Variants in MIER1 observed in about 807,000 individuals in gnomAD.
The protein encoded by MIER1 is MIER1 transcriptional regulator.
A neutral mutation model predicts 75.7 loss-of-function variants in MIER1; 40 were observed. That is an observed-to-expected ratio of 0.53 (90% CI 0.41 to 0.69). The LOEUF (loss-of-function observed/expected upper bound fraction) is 0.69. Among genes scored for constraint, MIER1 ranks in the 30% least tolerant of loss-of-function variants. MIER1 has a pLI of 0.00. For missense variants in MIER1, 574 were observed against 680.2 expected, an observed-to-expected ratio of 0.84 and a Z score of 1.74; for synonymous variants, 213 against 223.4, an observed-to-expected ratio of 0.95 and a Z score of 0.42.
intron 2 of MIER1, chr1:66,932,622 A>G (rs1427769729): frequency 2.0e-5 from 3 of 149,534 alleles, no homozygotes; most frequent in Admixed American, 6.7e-5. Context: ...CTCTCAGTAG[A>G]TTCATTCTTT....
intron 8 of MIER1, among the ~76,000 whole-genome samples, chr1:66,963,425 G>GT (rs987160752): frequency 7.9e-5 from 12 of 151,990 alleles, no homozygotes; most frequent in Admixed American, 1.3e-4. Flanking sequence ...TGTCTCAACA[G>GT]TTTTTTTTAC....
intron 7 of MIER1, among the ~76,000 whole-genome samples, chr1:66,960,369 A>T (rs957906442): frequency 3.3e-5 from 5 of 152,218 alleles, no homozygotes; most frequent in Non-Finnish European, 5.9e-5. Flanking sequence ...ACTATATACA[A>T]TTAATTTCTG....
Position 66,981,926 on chromosome 1 carries a change from A to T in MIER1, c.1369+8A>T. The T allele has an allele frequency of 6.2e-7, 1 of 1,612,834 alleles. No homozygotes were observed. Among genetic ancestry groups the T allele is most frequent in the Non-Finnish European group, 8.5e-7 (1 of 1,179,246 alleles). ...GCACTGCTAATCAAAATGGTAAGCA[A>T]CCAGAGAAACATTTCTCTTTCTTCA... On this transcript the variant is annotated splice_region_variant and intron_variant, in intron 13 of 13. Coordinates refer to ENST00000401041, the MANE Select transcript of MIER1 (RefSeq NM_001077700.3).
rs961921320 is a variant in MIER1 at position 66,984,769 on chromosome 1, G to A, written c.1567G>A (p.Glu523Lys). The change falls in exon 14 of 14, where the codon GAA becomes AAA. Residue 523 changes from glutamate to lysine, a missense_variant. Physicochemically the swap from Glu to Lys is moderately conservative, Grantham distance 56. This residue lies in a region of MIER1 where 164 missense variants were observed against 154.3 expected (regional missense o/e 1.06). Transcript: ENST00000401041. Reference sequence around the variant, plus strand: ...TGCAAGAAATGAAAATGATTTTGATGAAAAAAGTGAGAGACCTGCCAAAAG... The same window carrying A: ...TGCAAGAAATGAAAATGATTTTGATAAAAAAAGTGAGAGACCTGCCAAAAG... ...MTARNENDFD[E>K]KSERPAKRRR... The A allele has an allele frequency of 1.9e-6, 3 of 1,613,776 alleles. No individual in the cohort carries two copies. The highest frequency in any genetic ancestry group is 2.5e-6 in the Non-Finnish European group (3 of 1,179,916).
intron 12 of MIER1, among the ~76,000 whole-genome samples, chr1:66,979,240 C>T (rs760833263): frequency 1.6e-4 from 24 of 152,238 alleles, no homozygotes; most frequent in Non-Finnish European, 2.9e-4. Flanking sequence ...TTCTGGTTTG[C>T]TTCCATTACC....
intron 3 of MIER1, among the ~76,000 whole-genome samples, chr1:66,943,544 G>C (rs1453540949): frequency 1.3e-5 from 2 of 150,484 alleles, no homozygotes; most frequent in African/African-American, 4.9e-5. Flanking sequence ...CTTTCCTTTC[G>C]TTTAGTTTTG....
chr1:66,945,737 T>G (rs553817824), intron 3 of MIER1, among the ~76,000 whole-genome samples: 1 of 152,246 alleles, frequency 6.6e-6, no homozygotes, highest in African/African-American at 2.4e-5. Context: ...GTTGTGGTCA[T>G]AGTCCCAGCT....
At chr1:66,939,043 G>A (rs1276695024) in intron 2 of MIER1, among the ~76,000 whole-genome samples, 1 of 152,082 alleles carries the variant, frequency 6.6e-6, no homozygotes, top group East Asian at 1.9e-4. Flanking sequence ...TTACTTAGCA[G>A]AAAGAAAATA....
chr1:66,926,475 G>GA (rs1318496143), intron 2 of MIER1, among the ~76,000 whole-genome samples: 1 of 152,092 alleles, frequency 6.6e-6, no homozygotes, highest in Non-Finnish European at 1.5e-5. Context: ...ATTATGAAAA[G>GA]AAAATCCAAA....
intron 7 of MIER1, among the ~76,000 whole-genome samples, chr1:66,960,367 C>T (rs567752547): frequency 6.6e-6 from 1 of 152,138 alleles, no homozygotes; most frequent in South Asian, 2.1e-4. Flanking sequence ...TAACTATATA[C>T]AATTAATTTC....
intron 2 of MIER1, chr1:66,930,109 C>A: frequency 1.1e-6 from 1 of 881,620 alleles, no homozygotes; most frequent in Non-Finnish European, 1.5e-6. Flanking sequence ...CCCCTCCGCT[C>A]TTCCCGGGGA....
intron 1 of MIER1, 29 bp downstream of exon 1, chr1:66,925,124 C>A: frequency 6.5e-7 from 1 of 1,542,852 alleles, no homozygotes; most frequent in Non-Finnish European, 8.7e-7. Context: ...AGCCATCTCT[C>A]CCCTTCTATT....
rs530333118 is a variant in MIER1 at position 66,975,525 on chromosome 1, C to CA, written c.1102-1060dup. 2.3e-3 allele frequency among the ~76,000 whole-genome samples: 315 copies of CA among 134,900 alleles called. 1 individual carries two copies. The highest frequency in any genetic ancestry group is 0.011 in the Middle Eastern group (3 of 270). 88.5% of individuals were successfully genotyped at this position (134,900 alleles called of 152,430 possible). A position where few individuals can be genotyped will look rare whatever the true frequency, so the allele number is the denominator to read the frequency against. On this transcript the variant is annotated intron_variant, in intron 11 of 13. Coordinates refer to ENST00000401041, the MANE Select transcript of MIER1 (RefSeq NM_001077700.3). ...TGGGCAACAGAGCATGACACTATCTCAAAAAAAAAAGAAAAAGAAAGGAAA... is the reference window on the plus strand; with the variant it reads ...TGGGCAACAGAGCATGACACTATCTCAAAAAAAAAAAGAAAAAGAAAGGAAA...
intron 4 of MIER1, among the ~76,000 whole-genome samples, chr1:66,949,981 A>G (rs1292378676): frequency 7.2e-5 from 11 of 152,252 alleles, no homozygotes. Context: ...ATTTGTATGC[A>G]TGGATTATGA....
Position 66,985,574 on chromosome 1 carries a change from C to T in MIER1, c.*674C>T, listed in dbSNP as rs1666667400. On this transcript the variant is annotated 3_prime_UTR_variant, in exon 14 of 14. Coordinates refer to ENST00000401041, the MANE Select transcript of MIER1 (RefSeq NM_001077700.3). ...TGTATTTTTCCAGATTCTTTGTAGC[C>T]TTTGAAAGATTTTTACAGTACATAT... is the stretch of plus-strand genomic sequence containing the variant. 1 of 985,080 alleles carries T rather than the reference C, an allele frequency of 1.0e-6. No individual in the cohort carries two copies. Among genetic ancestry groups the T allele is most frequent in the African/African-American group, 1.7e-5 (1 of 57,198 alleles). The allele number at this position is 985,080 out of a possible 1,614,324, so 61.0% of individuals were successfully genotyped here.
chr1:66,927,057 C>A (rs1297388354), intron 2 of MIER1, among the ~76,000 whole-genome samples: 2 of 152,104 alleles, frequency 1.3e-5, no homozygotes, highest in South Asian at 2.1e-4. Flanking sequence ...TAAGATTGTG[C>A]TCCTAAATGC....
intron 8 of MIER1, among the ~76,000 whole-genome samples, chr1:66,966,271 T>A (rs184050431): frequency 4.7e-4 from 72 of 152,246 alleles, no homozygotes; most frequent in Admixed American, 2.4e-3. Context: ...CACCTATGAG[T>A]GAGAACATGC....
intron 8 of MIER1, among the ~76,000 whole-genome samples, chr1:66,969,476 C>T (rs1242865087): frequency 8.0e-6 from 1 of 125,198 alleles, no homozygotes; most frequent in African/African-American, 3.0e-5. Context: ...ACCTGGGAGG[C>T]GGAGGTTGCA....
chr1:66,971,767 T>G, intron 10 of MIER1, 31 bp downstream of exon 10: 1 of 1,192,336 alleles, frequency 8.4e-7, no homozygotes, highest in South Asian at 1.4e-5. Flanking sequence ...TTTTCATGAT[T>G]TGGCAGAAAT....
Sources: gnomAD v4.1 joint callset for allele counts (sites outside exome capture counted in the v4.1 genomes callset) on GRCh38, gnomAD v4.1.1 for gene constraint, gnomAD v4.1.1 regional missense constraint, MANE v1.5 for transcripts, NCBI Gene and HGNC (gene_info 2026-07-23, HGNC 2026-07-21) for gene names.